UGT2B17: variants seen among roughly 807,000 people sequenced by gnomAD.
UGT2B17 encodes UDP glucuronosyltransferase family 2 member B17, also known as UDP-glucuronosyltransferase 2B17.
In UGT2B17, 21 loss-of-function variants were observed where a neutral mutation model predicts 48.2. That is an observed-to-expected ratio of 0.44 (90% confidence interval 0.31 to 0.63). The LOEUF (loss-of-function observed/expected upper bound fraction) is 0.63. Ranked by LOEUF, UGT2B17 falls within the 20% of genes least tolerant of loss-of-function variation. The pLI is 0.08. For synonymous variants in UGT2B17, 146 were observed against 238.4 expected (o/e 0.61, Z 3.57); for missense variants, 402 against 696.1 (o/e 0.58, Z 4.75).
intron 1 of UGT2B17, among the ~76,000 whole-genome samples, chr4:68,568,983 A>ACCC (rs1459336565): frequency 1.5e-5 from 2 of 137,844 alleles, no homozygotes; most frequent in African/African-American, 2.5e-5. Flanking sequence ...ATAGCCTCTA[A>ACCC]CCCCCCACTC....
chr4:68,556,070 T>C (rs2109769222), intron 4 of UGT2B17, among the ~76,000 whole-genome samples: 1 of 122,260 alleles, frequency 8.2e-6, no homozygotes, highest in African/African-American at 2.8e-5. Context: ...TCCAAACATA[T>C]CATGAATGAT....
rs2109781025 is a variant in UGT2B17, at chr4:68,573,178, G to A, written c.-65+2773C>T. On this transcript the variant is annotated intron_variant, in intron 1 of 6. Transcript: ENST00000317746. Reference sequence around the variant, plus strand: ...TTCTTGTGTTAACAGGGCTGTTGCTGCCAGGGCCCTTGGACATGGGGGCCA... The same window carrying A: ...TTCTTGTGTTAACAGGGCTGTTGCTACCAGGGCCCTTGGACATGGGGGCCA... Among the ~76,000 whole-genome samples, 4 of 127,516 alleles carry A rather than the reference G, an allele frequency of 3.1e-5. No individual in the cohort carries two copies. In the Middle Eastern group the frequency reaches 0.016, roughly 506 times the overall value. The allele number at this position is 127,516 out of a possible 152,430, so 83.7% of individuals were successfully genotyped here.
Position 68,548,722 on chromosome 4 carries a change from C to A in UGT2B17, c.1313+1955G>T, listed in dbSNP as rs1452570630. Among the ~76,000 whole-genome samples the A allele has an allele frequency of 5.6e-5, 7 of 124,964 alleles. 2 individuals are homozygous for A. The highest frequency in any genetic ancestry group is 7.6e-4 in the South Asian group (2 of 2,632). The allele number at this position is 124,964 out of a possible 152,430, so 82.0% of individuals were successfully genotyped here. A position where few individuals can be genotyped will look rare whatever the true frequency, so the allele number is the denominator to read the frequency against. Reference sequence around the variant, plus strand: ...TCTCCTTGAAGAGGTCCTTCACGTACCTTGTTAGGCATATTCCTAGGTATT... The same window carrying A: ...TCTCCTTGAAGAGGTCCTTCACGTAACTTGTTAGGCATATTCCTAGGTATT... On this transcript the variant is annotated intron_variant, in intron 6 of 6. Transcript: ENST00000317746.
rs1360845700 is a variant in UGT2B17, at chr4:68,554,144, C to T, written c.1006-2233G>A. Among the ~76,000 whole-genome samples the T allele has an allele frequency of 1.6e-5, 2 of 125,962 alleles. 1 individual carries two copies. The highest frequency in any genetic ancestry group is 5.4e-5 in the African/African-American group (2 of 36,864). The allele number at this position is 125,962 out of a possible 152,430, so 82.6% of individuals were successfully genotyped here. On this transcript the variant is annotated intron_variant, in intron 4 of 6. Transcript: ENST00000317746. ...GACACGTAAGAGGGTGGAAACAACT[C>T]AGTGGTGACACACTGTGGAGTACTG...
rs374994336 is a variant in UGT2B17 at position 68,550,664 on chromosome 4, T to C, written c.1313+13A>G. 549 of 1,360,882 alleles carry C rather than the reference T, an allele frequency of 4.0e-4. 118 individuals carry two copies. The highest frequency in any genetic ancestry group is 5.1e-4 in the Non-Finnish European group (530 of 1,042,642). 84.3% of individuals were successfully genotyped at this position (1,360,882 alleles called of 1,614,324 possible). A position where few individuals can be genotyped will look rare whatever the true frequency, so the allele number is the denominator to read the frequency against. Reference sequence around the variant, plus strand: ...TTGTAAGTACCACCTGGTCACAAAATTGTAATACTCACATAGGGTCATTAA... The same window carrying C: ...TTGTAAGTACCACCTGGTCACAAAACTGTAATACTCACATAGGGTCATTAA... On this transcript the variant is annotated intron_variant, in intron 6 of 6. Transcript: ENST00000317746.
Position 68,538,613 on chromosome 4 carries a change from T to C in UGT2B17, c.1314-709A>G, listed in dbSNP as rs1560573606. ...CTAACTAGTTTCTCAGCTTCTACTC[T>C]AATCTTCTGTCTTCTACCGTATTTT... On this transcript the variant is annotated intron_variant, in intron 6 of 6. Coordinates refer to ENST00000317746, the MANE Select transcript of UGT2B17 (RefSeq NM_001077.4). 1.6e-5 allele frequency among the ~76,000 whole-genome samples: 2 copies of C among 126,370 alleles called. 1 individual carries two copies. The highest frequency in any genetic ancestry group is 3.4e-5 in the Non-Finnish European group (2 of 59,628). 82.9% of individuals were successfully genotyped at this position (126,370 alleles called of 152,430 possible).
intron 4 of UGT2B17, among the ~76,000 whole-genome samples, chr4:68,557,837 C>G (rs1472736625): frequency 8.0e-6 from 1 of 124,478 alleles, no homozygotes; most frequent in Admixed American, 8.3e-5. Context: ...CAATAAAACC[C>G]CTTGGGAAAA....
intron 1 of UGT2B17, among the ~76,000 whole-genome samples, chr4:68,573,844 G>T (rs569991060): frequency 7.9e-6 from 1 of 126,968 alleles, no homozygotes; most frequent in African/African-American, 2.7e-5. Flanking sequence ...CCTCCCTGCC[G>T]TGAGAGACAG....
intron 6 of UGT2B17, among the ~76,000 whole-genome samples, chr4:68,543,880 C>G (rs377206267): frequency 8.0e-6 from 1 of 124,486 alleles, no homozygotes; most frequent in Non-Finnish European, 1.7e-5. Flanking sequence ...GAAGTTTAGA[C>G]AAAAAAGAAT....
chr4:68,573,215 C>T (rs1415327717), intron 1 of UGT2B17, among the ~76,000 whole-genome samples: 1 of 127,336 alleles, frequency 7.9e-6, no homozygotes. Flanking sequence ...CCTTTGGAAA[C>T]CCCGTCTAGT....
chr4:68,572,968 G>A (rs1731317699), intron 1 of UGT2B17, among the ~76,000 whole-genome samples: 1 of 126,936 alleles, frequency 7.9e-6, no homozygotes, highest in Non-Finnish European at 1.7e-5. Context: ...CTGATAATAG[G>A]AGTAAGATAG....
At chr4:68,556,266 G>GT (rs547046740) in intron 4 of UGT2B17, among the ~76,000 whole-genome samples, 10,520 of 113,520 alleles carry the variant, frequency 0.093, 2,719 homozygotes, top group East Asian at 0.3. Context: ...AATATTATGA[G>GT]TTTTTTTTTT....
intron 6 of UGT2B17, among the ~76,000 whole-genome samples, chr4:68,541,963 G>A (rs553194530): frequency 1.6e-5 from 2 of 125,588 alleles, no homozygotes; most frequent in Non-Finnish European, 3.4e-5. Context: ...TAGATGTGTG[G>A]TGTTATTTCT....
intron 4 of UGT2B17, among the ~76,000 whole-genome samples, chr4:68,557,719 T>C (rs1367351339): frequency 1.3e-3 from 161 of 126,696 alleles, no homozygotes; most frequent in African/African-American, 3.9e-3. Context: ...GCAATAAGAA[T>C]CTATTTTCAT....
chr4:68,571,116 G>C (rs1182160957), intron 1 of UGT2B17, among the ~76,000 whole-genome samples: 1 of 125,570 alleles, frequency 8.0e-6, no homozygotes, highest in Non-Finnish European at 1.7e-5. Flanking sequence ...ATTCGGTTGA[G>C]CATGTAGATG....
rs1176183808 is a variant in UGT2B17, at chr4:68,558,386, G to A, written c.1005+2151C>T. Among the ~76,000 whole-genome samples, 5 of 125,140 alleles carry A rather than the reference G, an allele frequency of 4.0e-5. 2 individuals are homozygous for A. The highest frequency in any genetic ancestry group is 3.3e-4 in the Admixed American group (4 of 12,196). 82.1% of individuals were successfully genotyped at this position (125,140 alleles called of 152,430 possible). ...CTTCCACAATTTTTCCTAATTTGGAGTCACTGTAAACTAAGCTATGCTTTC... is the reference window on the plus strand; with the variant it reads ...CTTCCACAATTTTTCCTAATTTGGAATCACTGTAAACTAAGCTATGCTTTC... On this transcript the variant is annotated intron_variant, in intron 4 of 6. Coordinates refer to ENST00000317746, the MANE Select transcript of UGT2B17 (RefSeq NM_001077.4).
rs767702351 is a variant in UGT2B17, at chr4:68,537,894, T to A, written c.1324A>T (p.Asn442Tyr). Residue 442 changes from asparagine to tyrosine, a missense_variant, in exon 7 of 7, where the codon AAT becomes TAT. Physicochemically the swap from Asn to Tyr is moderately radical, Grantham distance 143. Around this residue, in one of 5 missense-constraint regions of UGT2B17, gnomAD observed 156 missense variants for 258.6 expected, o/e 0.60. Transcript: ENST00000317746. ...SVINDPIYKE[N>Y]IMKLSRIHHD... ...TGAATTCTTGATAATTTCATGATAT[T>A]CTCTTTATAGCTGAAGGATAAATAT... The A allele has an allele frequency of 5.1e-6, 7 of 1,364,156 alleles. 1 individual carries two copies. Among genetic ancestry groups the A allele is most frequent in the Non-Finnish European group, 6.7e-6 (7 of 1,045,430 alleles). The allele number at this position is 1,364,156 out of a possible 1,614,324, so 84.5% of individuals were successfully genotyped here.
intron 3 of UGT2B17, among the ~76,000 whole-genome samples, chr4:68,562,181 T>A (rs12507219): frequency 8.1e-6 from 1 of 122,852 alleles, no homozygotes; most frequent in African/African-American, 2.8e-5. Flanking sequence ...AATGATGCAA[T>A]CTTGGCTCAT....
At chr4:68,557,935 A>T in intron 4 of UGT2B17, among the ~76,000 whole-genome samples, 1 of 123,886 alleles carries the variant, frequency 8.1e-6, no homozygotes, top group African/African-American at 2.8e-5. Context: ...CAGGCCCAGG[A>T]GCCCCAAGTT....
Sources: gnomAD v4.1 joint callset for allele counts (sites outside exome capture counted in the v4.1 genomes callset) on GRCh38, gnomAD v4.1.1 for gene constraint, gnomAD v4.1.1 regional missense constraint, MANE v1.5 for transcripts, NCBI Gene and HGNC (gene_info 2026-07-23, HGNC 2026-07-21) for gene names.